The following PCDHGA5 variants were observed in gnomAD, a reference collection of about 807,000 sequenced individuals.
PCDHGA5 encodes the protein protocadherin gamma-A5.
PCDHGA5 carries 36 observed loss-of-function variants against 56.7 expected under a neutral mutation model. The ratio of observed to expected loss-of-function variants is 0.64; its 90% CI spans 0.49 to 0.84. PCDHGA5 has a LOEUF of 0.84. PCDHGA5 is among the 40% of genes least tolerant of loss of function. The pLI, the probability that PCDHGA5 is intolerant of heterozygous loss-of-function variation, is 0.00. For missense variants in PCDHGA5, 1,305 were observed against 1,201.5 expected (o/e 1.09, Z -1.27); for synonymous variants, 563 against 520.2 (o/e 1.08, Z -1.12).
chr5:141,401,394 T>C (rs1444370873), intron 1 of PCDHGA5, among the ~76,000 whole-genome samples: 1 of 152,158 alleles, frequency 6.6e-6, no homozygotes, highest in Non-Finnish European at 1.5e-5. Context: ...CTACATGTTA[T>C]GTGTATGAGA....
At chr5:141,376,348 C>G in intron 1 of PCDHGA5, 6 of 1,614,184 alleles carry the variant, frequency 3.7e-6, no homozygotes, top group Non-Finnish European at 5.1e-6. Context: ...CCTATTCCCA[C>G]GAGGTCTCAC....
chr5:141,421,901 G>C (rs754277661), intron 1 of PCDHGA5: 1 of 1,613,724 alleles, frequency 6.2e-7, no homozygotes, highest in East Asian at 2.2e-5. Flanking sequence ...ATCCGAAAGG[G>C]CGCAGTTCCC....
At chr5:141,456,312 G>A (rs1036961015) in intron 1 of PCDHGA5, among the ~76,000 whole-genome samples, 2 of 152,126 alleles carry the variant, frequency 1.3e-5, no homozygotes, top group African/African-American at 4.8e-5. Flanking sequence ...AGCAGCTAGG[G>A]CTCCTCCTGG....
At chr5:141,421,767 C>T in intron 1 of PCDHGA5, 2 of 1,613,906 alleles carry the variant, frequency 1.2e-6, no homozygotes, top group South Asian at 1.1e-5. Context: ...ATTACTTTTC[C>T]TTGCAACTGC....
At position 141,431,353 on chromosome 5, in the gene PCDHGA5, C is replaced by T. The variant is rs1273946805; in HGVS notation, c.2422-63454C>T. 1 of 1,613,940 alleles carries T rather than the reference C, an allele frequency of 6.2e-7. No homozygotes were observed. Among genetic ancestry groups the T allele is most frequent in the Non-Finnish European group, 8.5e-7 (1 of 1,180,042 alleles). On this transcript the variant is annotated intron_variant, in intron 1 of 3. Coordinates refer to ENST00000518069, the MANE Select transcript of PCDHGA5 (RefSeq NM_018918.3). This position sits in a 1 kb window ranked among gnomAD's most constrained non-coding sequence, Gnocchi z 4.8. ...AGTACCCCGAATTGGTGCTGAAACG[C>T]GCCCTGGACCGCGAAGAAAAGGCTG...
At position 141,372,146 on chromosome 5, in the gene PCDHGA5, T is replaced by C. The variant is rs371379465; in HGVS notation, c.2421+5395T>C. The C allele has an allele frequency of 1.2e-4, 200 of 1,613,738 alleles. 1 individual carries two copies. In the South Asian group the frequency reaches 2.0e-3, roughly 16 times the overall value. ...ATATGGTGCCGCGCTCTGCAGAGCC[T>C]GGCTACCTGGTGACCAAGGTGGTGG... On this transcript the variant is annotated intron_variant, in intron 1 of 3. Coordinates refer to ENST00000518069, the MANE Select transcript of PCDHGA5 (RefSeq NM_018918.3).
chr5:141,410,311 C>T lies in PCDHGA5; in HGVS notation c.2421+43560C>T, dbSNP rs867067555. On this transcript the variant is annotated intron_variant, in intron 1 of 3. Coordinates refer to ENST00000518069, the MANE Select transcript of PCDHGA5 (RefSeq NM_018918.3). ...CCTTGGCCTTAATCTCAGTGCTCTT[C>T]CTCCTCGCCGTGATTCTGGCCATTG... 4 of 1,613,936 alleles carry T rather than the reference C, an allele frequency of 2.5e-6. No homozygotes were observed. In the African/African-American group the frequency reaches 5.3e-5, roughly 22 times the overall value.
chr5:141,432,117 C>T lies in PCDHGA5; in HGVS notation c.2422-62690C>T, dbSNP rs761106133. The T allele has an allele frequency of 3.9e-5, 63 of 1,614,062 alleles. No individual in the cohort carries two copies. Among genetic ancestry groups the T allele is most frequent in the Non-Finnish European group, 4.2e-5 (50 of 1,180,048 alleles). On this transcript the variant is annotated intron_variant, in intron 1 of 3. Transcript: ENST00000518069. The surrounding 1 kb of genome is among the most constrained non-coding windows in gnomAD (Gnocchi z 6.0). ...ACCAACGACAACCCGCCGGTCTTCC[C>T]TCAGGCCTCCTATTCCGCTTATATC...
chr5:141,467,764 TGCCCGCACCTCA>T (rs544344217), intron 1 of PCDHGA5, among the ~76,000 whole-genome samples: 90 of 152,158 alleles, frequency 5.9e-4, no homozygotes, highest in South Asian at 1.0e-3. Context: ...CATGCTCAAG[TGCCCGCACCTCA>T]GCCTCTCAAG....
chr5:141,472,795 G>A (rs939788734), intron 1 of PCDHGA5, among the ~76,000 whole-genome samples: 1 of 151,794 alleles, frequency 6.6e-6, no homozygotes, highest in Non-Finnish European at 1.5e-5. Flanking sequence ...AGATCAGCCT[G>A]ACCAACATGG....
At chr5:141,422,690 T>G (rs1384522137) in intron 1 of PCDHGA5, 1 of 1,603,908 alleles carries the variant, frequency 6.2e-7, no homozygotes, top group Admixed American at 1.7e-5. Context: ...AATGCCCTGG[T>G]CACTTACTCT....
chr5:141,384,102 T>C, intron 1 of PCDHGA5: 1 of 1,599,484 alleles, frequency 6.3e-7, no homozygotes, highest in Non-Finnish European at 8.5e-7. Context: ...TAGATAATTA[T>C]TATAGATTGG....
Position 141,364,613 on chromosome 5 carries a change from C to A in PCDHGA5, c.283C>A (p.Leu95Ile). 6.2e-7 allele frequency: 1 copy of A among 1,614,170 alleles called. No individual in the cohort carries two copies. The highest frequency in any genetic ancestry group is 1.7e-5 in the Admixed American group (1 of 60,038). ...VTAGRIDREE[L>I]CAQSPLCVVN... ...CGCGGGCAGGATAGACCGGGAGGAG[C>A]TCTGCGCTCAGAGCCCACTGTGTGT... The change falls in exon 1 of 4, where the codon CTC becomes ATC. Residue 95 changes from leucine (L) to isoleucine (I), a missense_variant. By Grantham distance (5) the Leu-to-Ile change is conservative. Transcript: ENST00000518069.
chr5:141,404,411 G>A, intron 1 of PCDHGA5: 1 of 1,613,854 alleles, frequency 6.2e-7, no homozygotes, highest in Non-Finnish European at 8.5e-7. Flanking sequence ...GAATTCTAGA[G>A]TTATTTACTC....
intron 1 of PCDHGA5, chr5:141,428,067 G>A (rs753358896): frequency 6.2e-7 from 1 of 1,609,228 alleles, no homozygotes; most frequent in South Asian, 1.1e-5. Flanking sequence ...GGTGGACGCA[G>A]ATTCGGGACA....
chr5:141,384,807 T>C, intron 1 of PCDHGA5: 1 of 1,613,400 alleles, frequency 6.2e-7, no homozygotes, highest in Non-Finnish European at 8.5e-7. Context: ...TGGACAGAGA[T>C]GCCCTCAAGC....
chr5:141,454,567 C>G (rs572130062), intron 1 of PCDHGA5, among the ~76,000 whole-genome samples: 1 of 150,856 alleles, frequency 6.6e-6, no homozygotes, highest in Non-Finnish European at 1.5e-5. Flanking sequence ...CCACCACGCC[C>G]GGCTAATTTT....
chr5:141,370,923 C>T, intron 1 of PCDHGA5: 3 of 1,614,000 alleles, frequency 1.9e-6, no homozygotes, highest in Non-Finnish European at 2.5e-6. Flanking sequence ...CCCTGATCCG[C>T]ACTTCTCTTT....
chr5:141,390,210 G>T, intron 1 of PCDHGA5: 1 of 1,614,046 alleles, frequency 6.2e-7, no homozygotes, highest in Non-Finnish European at 8.5e-7. Context: ...TTCAGGACAA[G>T]ACATACTTTG....
Sources: gnomAD v4.1 joint callset for allele counts (sites outside exome capture counted in the v4.1 genomes callset) on GRCh38, gnomAD v4.1.1 for gene constraint, Gnocchi (gnomAD v3.1) non-coding constraint, MANE v1.5 for transcripts, NCBI Gene and HGNC (gene_info 2026-07-23, HGNC 2026-07-21) for gene names.